Variants in NALF1 observed in about 807,000 individuals in gnomAD.
The protein encoded by NALF1 is NALCN channel auxiliary factor 1.
A neutral mutation model predicts 48.4 loss-of-function variants in NALF1; 3 were observed. The ratio of observed to expected loss-of-function variants is 0.06; its 90% CI spans 0.03 to 0.16. NALF1 has a LOEUF of 0.16. NALF1 is among the 10% of genes least tolerant of loss of function. NALF1 has a pLI of 1.00. For missense variants in NALF1, 526 were observed against 571.5 expected (o/e 0.92, Z 0.81); for synonymous variants, 262 against 245.7 (o/e 1.07, Z -0.62).
intron 1 of NALF1, among the ~76,000 whole-genome samples, chr13:107,314,463 T>A (rs1436088706): frequency 6.6e-6 from 1 of 152,114 alleles, no homozygotes; most frequent in East Asian, 1.9e-4. Context: ...TTCCACCTCA[T>A]CTTGATTCTT....
intron 1 of NALF1, among the ~76,000 whole-genome samples, chr13:107,769,802 G>T (rs1215636643): frequency 6.6e-6 from 1 of 152,010 alleles, no homozygotes; most frequent in Non-Finnish European, 1.5e-5. Flanking sequence ...GGAAAGTTTT[G>T]CTGTCTGAGC....
chr13:107,828,577 A>G, intron 1 of NALF1, among the ~76,000 whole-genome samples: 1 of 109,700 alleles, frequency 9.1e-6, no homozygotes, highest in Non-Finnish European at 2.0e-5. Flanking sequence ...CTATCTATCT[A>G]TCTATCTATC....
chr13:107,265,893 G>C (rs1881029139), intron 1 of NALF1, among the ~76,000 whole-genome samples: 1 of 152,042 alleles, frequency 6.6e-6, no homozygotes, highest in Admixed American at 6.6e-5. Context: ...CAGTACCGTA[G>C]CATCTGTGTG....
intron 1 of NALF1, among the ~76,000 whole-genome samples, chr13:107,735,709 G>C (rs965930564): frequency 1.3e-5 from 2 of 152,184 alleles, no homozygotes; most frequent in Non-Finnish European, 1.5e-5. Flanking sequence ...TGTACAAATA[G>C]CTGCAGTCTT....
intron 1 of NALF1, among the ~76,000 whole-genome samples, chr13:107,680,758 T>G (rs1881276797): frequency 6.9e-6 from 1 of 143,932 alleles, no homozygotes; most frequent in South Asian, 2.2e-4. Context: ...AGTGTAAGAG[T>G]ATGTGAGTGT....
chr13:107,268,670 G>A (rs1467931469), intron 1 of NALF1, among the ~76,000 whole-genome samples: 1 of 152,150 alleles, frequency 6.6e-6, no homozygotes, highest in African/African-American at 2.4e-5. Flanking sequence ...TTATCCTGAT[G>A]AATTAGATGA....
At chr13:107,562,997 G>T (rs1315906450) in intron 1 of NALF1, among the ~76,000 whole-genome samples, 1 of 152,196 alleles carries the variant, frequency 6.6e-6, no homozygotes, top group Non-Finnish European at 1.5e-5. Context: ...TTCAGAGGTT[G>T]GAAGGCTTCT....
chr13:107,521,904 A>G lies in NALF1; in HGVS notation c.916-311149T>C, dbSNP rs1466399339. On this transcript the variant is annotated intron_variant, in intron 1 of 2. Coordinates refer to ENST00000375915, the MANE Select transcript of NALF1 (RefSeq NM_001080396.3). ...CTCCTTTTCTACCTCTGTTTTCACA[A>G]GCACCTTTCTTCTTCAACTTACACA... 2.0e-5 allele frequency among the ~76,000 whole-genome samples: 3 copies of G among 151,758 alleles called. No homozygotes were observed. In the East Asian group the frequency reaches 5.8e-4, roughly 29 times the overall value.
chr13:107,536,098 A>T (rs1876799007), intron 1 of NALF1, among the ~76,000 whole-genome samples: 2 of 152,234 alleles, frequency 1.3e-5, no homozygotes, highest in South Asian at 4.1e-4. Context: ...AAAGAATTAC[A>T]TGTTAGACCT....
chr13:107,230,880 T>G (rs1204164650), intron 1 of NALF1, among the ~76,000 whole-genome samples: 1 of 151,772 alleles, frequency 6.6e-6, no homozygotes, highest in East Asian at 1.9e-4. Context: ...GGGAACATAG[T>G]GAGACCCCAT....
chr13:107,429,293 G>A (rs1415482602), intron 1 of NALF1, among the ~76,000 whole-genome samples: 2 of 150,422 alleles, frequency 1.3e-5, no homozygotes, highest in African/African-American at 4.9e-5. Flanking sequence ...CTGCACTCCA[G>A]CCTGGGCAAC....
At chr13:107,464,103 TG>T (rs1884961498) in intron 1 of NALF1, among the ~76,000 whole-genome samples, 1 of 152,254 alleles carries the variant, frequency 6.6e-6, no homozygotes, top group African/African-American at 2.4e-5. Flanking sequence ...ACCAGGCAAG[TG>T]GGTGAGATTT....
intron 1 of NALF1, among the ~76,000 whole-genome samples, chr13:107,487,608 C>A (rs577077729): frequency 6.6e-6 from 1 of 152,206 alleles, no homozygotes; most frequent in East Asian, 1.9e-4. Context: ...TTGAACCAAC[C>A]TTGGATTCCG....
chr13:107,364,499 T>G (rs1883117310), intron 1 of NALF1, among the ~76,000 whole-genome samples: 1 of 152,184 alleles, frequency 6.6e-6, no homozygotes, highest in African/African-American at 2.4e-5. Context: ...TTCACTTTGG[T>G]GTTCAAGGCC....
At chr13:107,718,694 G>A (rs1466932588) in intron 1 of NALF1, among the ~76,000 whole-genome samples, 2 of 152,156 alleles carry the variant, frequency 1.3e-5, no homozygotes, top group Non-Finnish European at 2.9e-5. Flanking sequence ...CCAACTCTGG[G>A]TTTCAATGGA....
chr13:107,605,665 A>G (rs1879046444), intron 1 of NALF1, among the ~76,000 whole-genome samples: 1 of 152,174 alleles, frequency 6.6e-6, no homozygotes, highest in South Asian at 2.1e-4. Flanking sequence ...ATATGACACT[A>G]AAATGTTCTA....
intron 1 of NALF1, among the ~76,000 whole-genome samples, chr13:107,612,996 C>T (rs1170428006): frequency 2.3e-5 from 3 of 129,464 alleles, no homozygotes; most frequent in Non-Finnish European, 5.0e-5. Flanking sequence ...TTTTTTCCCA[C>T]AATGAGAAAA....
Position 107,726,912 on chromosome 13 carries a change from CTT to C in NALF1, c.915+138768_915+138769del, listed in dbSNP as rs1491541161. ...AGACACCACGCCCGGCCGGCAAATT[CTT>C]GTGTGTGTGTGTGTGTGTGTGTGTG... On this transcript the variant is annotated intron_variant, in intron 1 of 2. Coordinates refer to ENST00000375915, the MANE Select transcript of NALF1 (RefSeq NM_001080396.3). Among the ~76,000 whole-genome samples, 165 of 97,418 alleles carry C rather than the reference CTT, an allele frequency of 1.7e-3. 4 individuals carry two copies. The East Asian group carries it at 0.029, about 17-fold the overall frequency. 63.9% of individuals were successfully genotyped at this position (97,418 alleles called of 152,430 possible).
At chr13:107,354,073 C>T (rs1882920818) in intron 1 of NALF1, among the ~76,000 whole-genome samples, 3 of 152,172 alleles carry the variant, frequency 2.0e-5, no homozygotes, top group Non-Finnish European at 4.4e-5. Flanking sequence ...GTCCCCTCAA[C>T]ATCAAAGCCC....
Sources: allele counts gnomAD v4.1 joint callset (sites outside exome capture counted in the v4.1 genomes callset), GRCh38; gene constraint gnomAD v4.1.1; transcripts MANE v1.5; gene names NCBI Gene and HGNC (gene_info 2026-07-23, HGNC 2026-07-21).